Variants in BMP6 observed in about 807,000 individuals in gnomAD.
The protein encoded by BMP6 is VG-1-R.
BMP6 carries 17 observed loss-of-function variants against 54.1 expected under a neutral mutation model. The ratio of observed to expected loss-of-function variants is 0.31; its 90% CI spans 0.22 to 0.47. BMP6 has a LOEUF of 0.47. Ranked by LOEUF, BMP6 falls within the 20% of genes least tolerant of loss-of-function variation. BMP6 has a pLI of 1.00. For synonymous variants in BMP6, 328 were observed against 291.2 expected (o/e 1.13, Z -1.28); for missense variants, 720 against 690.4 (o/e 1.04, Z -0.48).
At chr6:7,848,858 A>AT (rs1386769802) in intron 2 of BMP6, among the ~76,000 whole-genome samples, 1 of 152,222 alleles carries the variant, frequency 6.6e-6, no homozygotes, top group East Asian at 1.9e-4. Flanking sequence ...CCTTGTGATG[A>AT]TGCAGGTAAA....
chr6:7,727,340 C>G lies in BMP6; in HGVS notation c.385C>G (p.Leu129Val), dbSNP rs187155245. The G allele has an allele frequency of 6.2e-7, 1 of 1,609,738 alleles. No homozygotes were observed. The highest frequency in any genetic ancestry group is 2.2e-5 in the East Asian group (1 of 44,766). The change falls in exon 1 of 7, where the codon CTG (leucine) becomes GTG (valine). Residue 129 changes from leucine to valine, a missense_variant. By Grantham distance (32) the Leu-to-Val change is conservative. This residue lies in a region of BMP6 where 650 missense variants were observed against 556.3 expected (regional missense o/e 1.17). Coordinates refer to ENST00000283147, the MANE Select transcript of BMP6 (RefSeq NM_001718.6). ...TCGCGGAGAGCCCCCTCCCGGGCGACTGAAGTCCGCGCCCCTCTTCATGCT... is the reference window on the plus strand; with the variant it reads ...TCGCGGAGAGCCCCCTCCCGGGCGAGTGAAGTCCGCGCCCCTCTTCATGCT... ...LPRGEPPPGR[L>V]KSAPLFMLDL...
chr6:7,740,271 C>T (rs1581227952), intron 1 of BMP6, among the ~76,000 whole-genome samples: 1 of 152,174 alleles, frequency 6.6e-6, no homozygotes, highest in East Asian at 1.9e-4. Flanking sequence ...TGCCTTCTCT[C>T]TTATGACCCA....
intron 1 of BMP6, among the ~76,000 whole-genome samples, chr6:7,729,472 A>G (rs868447740): frequency 6.6e-6 from 1 of 152,052 alleles, no homozygotes; most frequent in African/African-American, 2.4e-5. Context: ...TGGGAAAACA[A>G]TTCCTGGGCT....
rs70982115 is a variant in BMP6 at position 7,856,595 on chromosome 6, ATTTTTT to A, written c.858-4842_858-4837del. ...ATATAAATGCCAGTTTATCAAGAGC[ATTTTTT>A]TTTTTTTTTTTTTGAGACGGAGTCT... On this transcript the variant is annotated intron_variant, in intron 2 of 6. Coordinates refer to ENST00000283147, the MANE Select transcript of BMP6 (RefSeq NM_001718.6). Among the ~76,000 whole-genome samples the A allele has an allele frequency of 4.5e-4, 37 of 83,114 alleles. 2 individuals are homozygous for A. Among genetic ancestry groups the A allele is most frequent in the African/African-American group, 1.7e-3 (32 of 19,150 alleles). The allele number at this position is 83,114 out of a possible 152,430, so 54.5% of individuals were successfully genotyped here.
At chr6:7,855,196 A>G (rs947748667) in intron 2 of BMP6, among the ~76,000 whole-genome samples, 3 of 152,214 alleles carry the variant, frequency 2.0e-5, no homozygotes, top group Non-Finnish European at 2.9e-5. Context: ...TAAGTTCACA[A>G]AACAGGCACA....
At chr6:7,763,270 T>TA (rs916180538) in intron 1 of BMP6, among the ~76,000 whole-genome samples, 7 of 152,154 alleles carry the variant, frequency 4.6e-5, no homozygotes, top group African/African-American at 1.7e-4. Context: ...AAGCACAACA[T>TA]ACCCCTTTAC....
intron 1 of BMP6, among the ~76,000 whole-genome samples, chr6:7,795,015 G>A (rs962068069): frequency 1.6e-4 from 23 of 140,448 alleles, no homozygotes; most frequent in Non-Finnish European, 3.2e-4. Flanking sequence ...GTCCTTGACA[G>A]GAAACATTTA....
At chr6:7,842,762 G>A (rs991792529) in intron 1 of BMP6, among the ~76,000 whole-genome samples, 2 of 152,178 alleles carry the variant, frequency 1.3e-5, no homozygotes, top group African/African-American at 2.4e-5. Flanking sequence ...TTTCTCCTTT[G>A]TTAAAAATGT....
At chr6:7,857,688 G>A (rs1369532200) in intron 2 of BMP6, among the ~76,000 whole-genome samples, 5 of 152,152 alleles carry the variant, frequency 3.3e-5, no homozygotes, top group East Asian at 1.9e-4. Flanking sequence ...CATCTTCTTC[G>A]AGGCTACACT....
Position 7,727,496 on chromosome 6 carries a change from C to T in BMP6, c.541C>T (p.Pro181Ser). Residue 181 changes from proline to serine, a missense_variant, in exon 1 of 7, where the codon CCG (proline) becomes TCG (serine). By Grantham distance (74) the Pro-to-Ser change is moderately conservative. Transcript: ENST00000283147. Reference sequence around the variant, plus strand: ...GCAGCCGCCCCCGGGCGCCGCGCACCCGCTCAACCGCAAGAGCCTTCTGGC... The same window carrying T: ...GCAGCCGCCCCCGGGCGCCGCGCACTCGCTCAACCGCAAGAGCCTTCTGGC... ...RRQPPPGAAH[P>S]LNRKSLLAPG... 3.8e-6 allele frequency: 6 copies of T among 1,595,468 alleles called. No homozygotes were observed. The highest frequency in any genetic ancestry group is 5.1e-6 in the Non-Finnish European group (6 of 1,176,678).
At chr6:7,742,478 A>G (rs1014602841) in intron 1 of BMP6, among the ~76,000 whole-genome samples, 1 of 152,228 alleles carries the variant, frequency 6.6e-6, no homozygotes, top group African/African-American at 2.4e-5. Flanking sequence ...TTCTGTTTAC[A>G]TAAGGACTGA....
At chr6:7,761,959 G>A (rs999859933) in intron 1 of BMP6, among the ~76,000 whole-genome samples, 2 of 151,982 alleles carry the variant, frequency 1.3e-5, no homozygotes, top group Admixed American at 6.5e-5. Context: ...GTGTAGTGGT[G>A]TGATCTCAGC....
intron 1 of BMP6, among the ~76,000 whole-genome samples, chr6:7,824,693 A>G (rs1056949488): frequency 2.0e-5 from 3 of 152,336 alleles, no homozygotes; most frequent in Admixed American, 6.5e-5. Flanking sequence ...TTATTAACAT[A>G]CCTTGTAGAT....
In BMP6 at chr6:7,829,716, G is replaced by T. The variant is rs370584437; in HGVS notation, c.665-15424G>T. On this transcript the variant is annotated intron_variant, in intron 1 of 6. Coordinates refer to ENST00000283147, the MANE Select transcript of BMP6 (RefSeq NM_001718.6). ...GGGAGACACTGTCTCAAATAAAAAT[G>T]CACCATCTGGTGCCATGTAGCACTG... Among the ~76,000 whole-genome samples, 9 of 152,020 alleles carry T rather than the reference G, an allele frequency of 5.9e-5. No individual in the cohort carries two copies. In the South Asian group the frequency reaches 1.7e-3, roughly 28 times the overall value.
At chr6:7,828,326 T>C (rs542669650) in intron 1 of BMP6, among the ~76,000 whole-genome samples, 3 of 152,358 alleles carry the variant, frequency 2.0e-5, no homozygotes, top group African/African-American at 7.2e-5. Context: ...ATCCAAGTTT[T>C]GTCTATTAAA....
chr6:7,873,984 G>C (rs1394099694), intron 4 of BMP6, among the ~76,000 whole-genome samples: 1 of 151,988 alleles, frequency 6.6e-6, no homozygotes, highest in South Asian at 2.1e-4. Context: ...GAAAATCCCA[G>C]GCTAAGACTG....
At chr6:7,863,378 T>G (rs1759367521) in intron 4 of BMP6, among the ~76,000 whole-genome samples, 1 of 152,178 alleles carries the variant, frequency 6.6e-6, no homozygotes, top group African/African-American at 2.4e-5. Flanking sequence ...GTTTTTCTAT[T>G]TTTCTTTGTT....
chr6:7,862,279 C>T, intron 3 of BMP6, 22 bp from the exon 4 acceptor site: 1 of 1,612,880 alleles, frequency 6.2e-7, no homozygotes. Flanking sequence ...TAAAGAGATG[C>T]ATGCTTTGAT....
At chr6:7,778,438 C>T (rs1160296233) in intron 1 of BMP6, among the ~76,000 whole-genome samples, 5 of 151,566 alleles carry the variant, frequency 3.3e-5, no homozygotes, top group African/African-American at 7.3e-5. Flanking sequence ...GTGCCTTGCC[C>T]GAAGTCACAC....
Sources: allele counts gnomAD v4.1 joint callset (sites outside exome capture counted in the v4.1 genomes callset), GRCh38; gene constraint gnomAD v4.1.1; regional missense constraint gnomAD v4.1.1; transcripts MANE v1.5; gene names NCBI Gene and HGNC (gene_info 2026-07-23, HGNC 2026-07-21).